UNC13C: variants seen among roughly 807,000 people sequenced by gnomAD.
The protein encoded by UNC13C is protein unc-13 homolog C.
UNC13C carries 174 observed loss-of-function variants against 245.4 expected under a neutral mutation model. That is an observed-to-expected ratio of 0.71 (90% CI 0.63 to 0.80). The LOEUF (loss-of-function observed/expected upper bound fraction) is 0.80, where lower values mean the gene tolerates loss of function less well. Ranked by LOEUF, UNC13C falls within the 30% of genes least tolerant of loss-of-function variation. The probability of loss-of-function intolerance (pLI) is 0.00; values close to 1 mark genes in which losing one functional copy is unlikely to be tolerated. For missense variants in UNC13C, 2,829 were observed against 2,602.9 expected, an observed-to-expected ratio of 1.09 and a Z score of -1.89; for synonymous variants, 992 against 895.1, an observed-to-expected ratio of 1.11 and a Z score of -1.93.
At chr15:53,880,229 G>C in the UNC13C span, among the ~76,000 whole-genome samples, 2 of 152,260 alleles carry the variant, frequency 1.3e-5, no homozygotes, top group Non-Finnish European at 2.9e-5. Flanking sequence ...GGCAGAATAA[G>C]AGCTCTTGAA....
At chr15:54,363,542 G>T (rs79389128) in intron 17 of UNC13C, among the ~76,000 whole-genome samples, 1,699 of 152,308 alleles carry the variant, frequency 0.011, 34 homozygotes, top group African/African-American at 0.039. Flanking sequence ...GAGATGTTTT[G>T]TAAACCAAGT....
At chr15:54,237,433 G>C (rs879887108) in intron 6 of UNC13C, 186 bp from the exon 7 acceptor site, 1 of 690,082 alleles carries the variant, frequency 1.4e-6, no homozygotes, top group Non-Finnish European at 2.7e-6. Flanking sequence ...TTGTGGGATC[G>C]TTCCAGTTTT....
At chr15:54,054,133 A>T (rs1229550020) in intron 2 of UNC13C, among the ~76,000 whole-genome samples, 2 of 152,178 alleles carry the variant, frequency 1.3e-5, no homozygotes, top group African/African-American at 4.8e-5. Context: ...TTCTTTGGGC[A>T]TATACCTAGC....
intron 29 of UNC13C, among the ~76,000 whole-genome samples, chr15:54,557,485 A>G (rs1472549282): frequency 5.3e-5 from 8 of 152,022 alleles, no homozygotes; most frequent in Non-Finnish European, 1.0e-4. Context: ...CCAAACATTA[A>G]TTGTGAGATT....
intron 30 of UNC13C, among the ~76,000 whole-genome samples, chr15:54,602,273 C>T (rs186558657): frequency 2.0e-5 from 3 of 152,284 alleles, no homozygotes; most frequent in South Asian, 2.1e-4. Context: ...TTACACACTA[C>T]GCAGAGTAAC....
intron 4 of UNC13C, among the ~76,000 whole-genome samples, chr15:54,199,688 G>A (rs1354098612): frequency 6.6e-6 from 1 of 152,096 alleles, no homozygotes; most frequent in South Asian, 2.1e-4. Flanking sequence ...ACTGTTAGAG[G>A]AGCTCTAAAT....
the UNC13C span, among the ~76,000 whole-genome samples, chr15:53,883,171 T>G: frequency 6.6e-6 from 1 of 152,186 alleles, no homozygotes; most frequent in Non-Finnish European, 1.5e-5. Context: ...GAATTTTTTT[T>G]CTACTTAAAA....
At chr15:54,069,516 A>C (rs1898221951) in intron 2 of UNC13C, among the ~76,000 whole-genome samples, 1 of 152,124 alleles carries the variant, frequency 6.6e-6, no homozygotes, top group African/African-American at 2.4e-5. Context: ...CCTTAACTAA[A>C]TTGCTCTCAT....
At chr15:54,250,161 T>C (rs934897590) in intron 7 of UNC13C, 64 bp from the exon 8 acceptor site, 3 of 1,487,702 alleles carry the variant, frequency 2.0e-6, no homozygotes, top group African/African-American at 2.8e-5. Context: ...TGGTTTGTTT[T>C]ATTTTGAAAC....
intron 27 of UNC13C, among the ~76,000 whole-genome samples, chr15:54,547,504 C>T (rs898172173): frequency 2.6e-5 from 4 of 151,932 alleles, no homozygotes; most frequent in Admixed American, 6.6e-5. Context: ...TTTTTTTCTC[C>T]GTGACTGAGG....
chr15:54,281,026 G>C (rs1438157375), intron 10 of UNC13C, among the ~76,000 whole-genome samples: 1 of 151,948 alleles, frequency 6.6e-6, no homozygotes, highest in East Asian at 1.9e-4. Flanking sequence ...TCAAACTCCT[G>C]ACCTCAAGTG....
At chr15:53,946,442 CTTTTTTTTGTTTTT>C in the UNC13C span, among the ~76,000 whole-genome samples, 1 of 68,950 alleles carries the variant, frequency 1.5e-5, no homozygotes. Flanking sequence ...CTGAGGTGTT[CTTTTTTTTGTTTTT>C]TTTTTTTTTT....
chr15:53,896,371 G>C, the UNC13C span, among the ~76,000 whole-genome samples: 1 of 152,102 alleles, frequency 6.6e-6, no homozygotes, highest in African/African-American at 2.4e-5. Flanking sequence ...TCTAAGTTGA[G>C]TGCTGCTGTG....
chr15:54,535,178 T>A lies in UNC13C; in HGVS notation c.5696+2112T>A, dbSNP rs555058096. Among the ~76,000 whole-genome samples, 25 of 151,904 alleles carry A rather than the reference T, an allele frequency of 1.6e-4. No homozygotes were observed. In the East Asian group the frequency reaches 4.6e-3, roughly 28 times the overall value. On this transcript the variant is annotated intron_variant, in intron 26 of 32. Coordinates refer to ENST00000260323, the MANE Select transcript of UNC13C (RefSeq NM_001080534.3). The stretch of plus-strand genomic sequence containing the variant: ...CTCAAAGTAAAGGGATGGAGAAAAA[T>A]CTACCTAAAAAATGGAAAACAAAAA...
At chr15:54,459,356 C>G (rs185850439) in intron 19 of UNC13C, among the ~76,000 whole-genome samples, 8 of 152,182 alleles carry the variant, frequency 5.3e-5, no homozygotes, top group Non-Finnish European at 1.0e-4. Flanking sequence ...TTTAGGTAAC[C>G]TAATAACTAT....
intron 2 of UNC13C, among the ~76,000 whole-genome samples, chr15:54,115,409 T>G (rs2030168320): frequency 6.6e-6 from 1 of 152,090 alleles, no homozygotes; most frequent in South Asian, 2.1e-4. Flanking sequence ...TATTTTATAA[T>G]AAGTCAGTTC....
chr15:54,349,000 T>A (rs565430001), intron 17 of UNC13C, among the ~76,000 whole-genome samples: 77 of 151,784 alleles, frequency 5.1e-4, no homozygotes, highest in African/African-American at 1.8e-3. Context: ...TACCACCTTA[T>A]GTGCTCCTTG....
intron 30 of UNC13C, among the ~76,000 whole-genome samples, chr15:54,589,423 C>T (rs748731593): frequency 3.3e-5 from 5 of 150,394 alleles, no homozygotes; most frequent in South Asian, 2.1e-4. Context: ...CTCAGCCTCC[C>T]GAATAGCTGG....
chr15:54,203,242 G>T (rs1359500166), intron 4 of UNC13C, among the ~76,000 whole-genome samples: 1 of 151,808 alleles, frequency 6.6e-6, no homozygotes, highest in Non-Finnish European at 1.5e-5. Flanking sequence ...ATGTAAACTA[G>T]TACAACCACT....
Sources: gnomAD v4.1 joint callset for allele counts (sites outside exome capture counted in the v4.1 genomes callset) on GRCh38, gnomAD v4.1.1 for gene constraint, MANE v1.5 for transcripts, NCBI Gene and HGNC (gene_info 2026-07-23, HGNC 2026-07-21) for gene names.